The following C7orf78 variants were observed in gnomAD, a reference collection of about 807,000 sequenced individuals.
C7orf78 encodes the protein putative uncharacterized protein C7orf78.
chr7:12,493,626 C>A, the C7orf78 span, among the ~76,000 whole-genome samples: 2 of 152,220 alleles, frequency 1.3e-5, no homozygotes, highest in East Asian at 1.9e-4. Flanking sequence ...GATTAAGAAC[C>A]TGGCCTCAGG....
At chr7:12,533,441 T>C in the C7orf78 span, among the ~76,000 whole-genome samples, 4 of 151,764 alleles carry the variant, frequency 2.6e-5, no homozygotes, top group East Asian at 1.9e-4. Context: ...CCTCAGGTGA[T>C]CAACCTGCCT....
At chr7:12,538,012 T>A in the C7orf78 span, among the ~76,000 whole-genome samples, 2 of 152,180 alleles carry the variant, frequency 1.3e-5, no homozygotes, top group Non-Finnish European at 2.9e-5. Context: ...TCCTTTGGTT[T>A]GAAGGAAAGG....
At chr7:12,537,793 G>C in the C7orf78 span, among the ~76,000 whole-genome samples, 1 of 152,058 alleles carries the variant, frequency 6.6e-6, no homozygotes, top group Non-Finnish European at 1.5e-5. Context: ...TTACACAATA[G>C]ATTATACAGC....
chr7:12,540,665 T>G, the C7orf78 span, among the ~76,000 whole-genome samples: 1 of 152,220 alleles, frequency 6.6e-6, no homozygotes, highest in Admixed American at 6.5e-5. Flanking sequence ...AAAATAAATT[T>G]GACCGTTTGG....
the C7orf78 span, chr7:12,531,069 G>T: frequency 2.5e-6 from 1 of 398,446 alleles, no homozygotes; most frequent in East Asian, 3.6e-5. Context: ...TGGAAGAAAA[G>T]TTTACAAAGA....
the C7orf78 span, among the ~76,000 whole-genome samples, chr7:12,533,602 C>T: frequency 6.6e-6 from 1 of 151,196 alleles, no homozygotes; most frequent in East Asian, 2.0e-4. Context: ...CTGCAAGCTC[C>T]ACCTCCCGGG....
At chr7:12,495,903 T>C in the C7orf78 span, among the ~76,000 whole-genome samples, 12 of 152,156 alleles carry the variant, frequency 7.9e-5, no homozygotes, top group African/African-American at 2.7e-4. Flanking sequence ...GTTCCCAAAT[T>C]TGTGGAGCTG....
chr7:12,531,325 G>A, the C7orf78 span, among the ~76,000 whole-genome samples: 1 of 152,120 alleles, frequency 6.6e-6, no homozygotes, highest in Non-Finnish European at 1.5e-5. Flanking sequence ...TGTTTCCTAC[G>A]TGCATAATCA....
At chr7:12,497,017 TTTAAA>T in the C7orf78 span, among the ~76,000 whole-genome samples, 2 of 152,346 alleles carry the variant, frequency 1.3e-5, no homozygotes, top group Admixed American at 1.3e-4. Context: ...AAACTTTCAC[TTTAAA>T]TAAAATGAAC....
chr7:12,503,800 GA>G, the C7orf78 span, among the ~76,000 whole-genome samples: 1 of 151,946 alleles, frequency 6.6e-6, no homozygotes, highest in East Asian at 1.9e-4. Flanking sequence ...TAAAAAGGAG[GA>G]ATTTTCCACA....
chr7:12,519,153 C>T, the C7orf78 span, among the ~76,000 whole-genome samples: 8,992 of 152,088 alleles, frequency 0.059, 304 homozygotes, highest in African/African-American at 0.1. Flanking sequence ...GACAGGGTCA[C>T]CACCCACAAC....
the C7orf78 span, among the ~76,000 whole-genome samples, chr7:12,524,903 G>A: frequency 6.6e-5 from 10 of 152,044 alleles, no homozygotes; most frequent in Non-Finnish European, 1.3e-4. Context: ...CACGGAATAA[G>A]GAATATTTTT....
the C7orf78 span, among the ~76,000 whole-genome samples, chr7:12,530,856 T>C: frequency 6.6e-6 from 1 of 152,192 alleles, no homozygotes; most frequent in Non-Finnish European, 1.5e-5. Flanking sequence ...TAAGGATGCT[T>C]CGTAAGCCCT....
the C7orf78 span, among the ~76,000 whole-genome samples, chr7:12,532,886 G>A: frequency 2.6e-5 from 4 of 152,238 alleles, no homozygotes; most frequent in South Asian, 2.1e-4. Flanking sequence ...GAGGACCACA[G>A]GACAGATGAA....
the C7orf78 span, among the ~76,000 whole-genome samples, chr7:12,525,485 A>G: frequency 6.6e-6 from 1 of 152,074 alleles, no homozygotes; most frequent in African/African-American, 2.4e-5. Flanking sequence ...TAAGTTTAAG[A>G]TTGCAAGTTT....
the C7orf78 span, among the ~76,000 whole-genome samples, chr7:12,484,366 C>T: frequency 6.6e-6 from 1 of 152,142 alleles, no homozygotes. Flanking sequence ...AACATTTCTG[C>T]TTCTGTCATG....
the C7orf78 span, among the ~76,000 whole-genome samples, chr7:12,488,862 T>C: frequency 6.6e-6 from 1 of 151,810 alleles, no homozygotes; most frequent in South Asian, 2.1e-4. Flanking sequence ...AGTATTATTT[T>C]CAGAGAAATT....
chr7:12,497,539 C>T, the C7orf78 span, among the ~76,000 whole-genome samples: 1,173 of 152,288 alleles, frequency 7.7e-3, 19 homozygotes, highest in African/African-American at 0.027. Context: ...GCTTAAAAAA[C>T]GGTGCACCAT....
At chr7:12,504,546 G>T in the C7orf78 span, 1 of 152,128 alleles carries the variant, frequency 6.6e-6, no homozygotes, top group African/African-American at 2.4e-5. Context: ...TCTTTCAAAT[G>T]GTAAGTGAAG....
Sources: gnomAD v4.1 joint callset for allele counts (sites outside exome capture counted in the v4.1 genomes callset) on GRCh38, gnomAD v4.1.1 for gene constraint, MANE v1.5 for transcripts, NCBI Gene and HGNC (gene_info 2026-07-23, HGNC 2026-07-21) for gene names.